SMYD3: variants seen among roughly 807,000 people sequenced by gnomAD.
The protein encoded by SMYD3 is SET and MYND domain containing 3.
SMYD3 carries 36 observed loss-of-function variants against 57.7 expected under a neutral mutation model. The observed-to-expected ratio is 0.62, with a 90% CI of 0.48 to 0.82. The LOEUF (loss-of-function observed/expected upper bound fraction) is 0.82, where lower values mean the gene tolerates loss of function less well. SMYD3 is among the 40% of genes least tolerant of loss of function. SMYD3 has a pLI of 0.00. For missense variants in SMYD3, 515 were observed against 538.8 expected, an observed-to-expected ratio of 0.96 and a Z score of 0.44; for synonymous variants, 211 against 195.0, an observed-to-expected ratio of 1.08 and a Z score of -0.68.
chr1:246,288,210 A>T (rs914011489), intron 5 of SMYD3, among the ~76,000 whole-genome samples: 1 of 151,650 alleles, frequency 6.6e-6, no homozygotes, highest in Non-Finnish European at 1.5e-5. Context: ...AGTAGCTGGA[A>T]TTACAGGTGT....
intron 1 of SMYD3, among the ~76,000 whole-genome samples, chr1:246,385,631 G>A (rs538533385): frequency 2.7e-4 from 41 of 152,146 alleles, no homozygotes; most frequent in African/African-American, 7.2e-4. Flanking sequence ...AAAGAACCCC[G>A]TATAAATAGT....
At chr1:245,893,982 G>A (rs186750381) in intron 8 of SMYD3, among the ~76,000 whole-genome samples, 1 of 152,336 alleles carries the variant, frequency 6.6e-6, no homozygotes, top group African/African-American at 2.4e-5. Context: ...GGCAGTAAGA[G>A]TAACCCTAAC....
chr1:246,329,635 G>T (rs1239015516), intron 4 of SMYD3, among the ~76,000 whole-genome samples: 1 of 152,030 alleles, frequency 6.6e-6, no homozygotes, highest in Admixed American at 6.6e-5. Flanking sequence ...CTCCCATTTT[G>T]TAGGTTGCCT....
intron 1 of SMYD3, among the ~76,000 whole-genome samples, chr1:246,437,473 G>A (rs1049999516): frequency 6.6e-5 from 10 of 152,200 alleles, no homozygotes; most frequent in African/African-American, 2.4e-4. Context: ...CTTCTTAGAC[G>A]TCAAGCTAGC....
chr1:246,343,695 T>G (rs1208464054), intron 2 of SMYD3, among the ~76,000 whole-genome samples: 1 of 152,096 alleles, frequency 6.6e-6, no homozygotes, highest in Non-Finnish European at 1.5e-5. Flanking sequence ...CAATGGAAGG[T>G]TAATGTACAG....
intron 10 of SMYD3, among the ~76,000 whole-genome samples, chr1:245,850,375 G>A (rs1228105424): frequency 6.6e-6 from 1 of 152,164 alleles, no homozygotes; most frequent in Non-Finnish European, 1.5e-5. Flanking sequence ...AGTAAAGGTA[G>A]GTGAGAGTTT....
chr1:246,138,353 AC>A (rs1239658929), intron 5 of SMYD3, among the ~76,000 whole-genome samples: 46 of 152,194 alleles, frequency 3.0e-4, no homozygotes, highest in African/African-American at 9.9e-4. Flanking sequence ...CGAACTGAAA[AC>A]AAAAAACAAA....
Position 246,171,004 on chromosome 1 carries a change from T to C in SMYD3, c.531+156197A>G, listed in dbSNP as rs538519808. Among the ~76,000 whole-genome samples, 30 of 152,334 alleles carry C rather than the reference T, an allele frequency of 2.0e-4. 1 individual carries two copies. In the South Asian group the frequency reaches 5.8e-3, roughly 29 times the overall value. On this transcript the variant is annotated intron_variant, in intron 5 of 11. Transcript: ENST00000490107. ...CAGAAGATTATTTTCTATGGTTTCA[T>C]AGTCTACAAATTACTACTTTCAGAT... is the stretch of plus-strand genomic sequence containing the variant.
intron 1 of SMYD3, among the ~76,000 whole-genome samples, chr1:246,395,022 A>G (rs2066636702): frequency 6.6e-6 from 1 of 152,108 alleles, no homozygotes; most frequent in Non-Finnish European, 1.5e-5. Context: ...TTTATGATAT[A>G]AGAGAGGCTC....
At chr1:246,035,500 C>G (rs2059757990) in intron 5 of SMYD3, 1 of 152,194 alleles carries the variant, frequency 6.6e-6, no homozygotes, top group South Asian at 2.1e-4. Flanking sequence ...ACGGGACTGT[C>G]GTTTCACGAG....
intron 8 of SMYD3, among the ~76,000 whole-genome samples, chr1:245,913,585 C>T (rs1162760489): frequency 6.7e-6 from 1 of 149,580 alleles, no homozygotes; most frequent in Non-Finnish European, 1.5e-5. Context: ...ATGGCTAAGA[C>T]CACAAAAGCA....
intron 5 of SMYD3, among the ~76,000 whole-genome samples, chr1:246,131,291 A>G (rs111282043): frequency 4.6e-5 from 7 of 152,284 alleles, no homozygotes; most frequent in African/African-American, 1.7e-4. Context: ...CCAGATTATT[A>G]TAACAAAACA....
intron 5 of SMYD3, among the ~76,000 whole-genome samples, chr1:246,247,147 T>G (rs2063717480): frequency 6.6e-6 from 1 of 152,044 alleles, no homozygotes; most frequent in South Asian, 2.1e-4. Flanking sequence ...TGTATGACTC[T>G]GCACTGAGAC....
chr1:246,496,907 T>C (rs894032933), intron 1 of SMYD3, among the ~76,000 whole-genome samples: 3 of 152,206 alleles, frequency 2.0e-5, no homozygotes, highest in Non-Finnish European at 2.9e-5. Context: ...ATAGGCCGTG[T>C]ATAAAACAGT....
chr1:245,844,887 T>A (rs1303431235), intron 10 of SMYD3, among the ~76,000 whole-genome samples: 1 of 152,078 alleles, frequency 6.6e-6, no homozygotes, highest in Non-Finnish European at 1.5e-5. Context: ...CTAGGACCCA[T>A]TTGAAGTTAT....
intron 5 of SMYD3, among the ~76,000 whole-genome samples, chr1:246,300,360 G>A (rs1051307939): frequency 2.0e-5 from 3 of 152,134 alleles, no homozygotes; most frequent in Non-Finnish European, 4.4e-5. Context: ...GAAGGATCAA[G>A]GGGACTTAGA....
intron 5 of SMYD3, among the ~76,000 whole-genome samples, chr1:245,996,254 G>A (rs1658579905): frequency 6.6e-6 from 1 of 152,180 alleles, no homozygotes; most frequent in Admixed American, 6.5e-5. Flanking sequence ...CCACATAGAG[G>A]ATGCTAAATA....
chr1:246,204,090 T>C (rs2062960048), intron 5 of SMYD3, among the ~76,000 whole-genome samples: 1 of 152,192 alleles, frequency 6.6e-6, no homozygotes, highest in South Asian at 2.1e-4. Context: ...CTACTGTGTT[T>C]TGTAAGAGAA....
intron 5 of SMYD3, among the ~76,000 whole-genome samples, chr1:246,029,787 A>G (rs1452326256): frequency 6.6e-6 from 1 of 152,068 alleles, no homozygotes; most frequent in African/African-American, 2.4e-5. Flanking sequence ...TCAAAACCAC[A>G]ATGAAATATC....
Sources: allele counts gnomAD v4.1 joint callset (sites outside exome capture counted in the v4.1 genomes callset), GRCh38; gene constraint gnomAD v4.1.1; transcripts MANE v1.5; gene names NCBI Gene and HGNC (gene_info 2026-07-23, HGNC 2026-07-21).